Variants in FREM1 observed in about 807,000 individuals in gnomAD.
FREM1 encodes the protein FRAS1 related extracellular matrix 1, also known as FRAS1-related extracellular matrix protein 1.
FREM1 carries 220 observed loss-of-function variants against 210.1 expected under a neutral mutation model. The observed-to-expected ratio is 1.05, with a 90% confidence interval of 0.94 to 1.17. The LOEUF is 1.17. FREM1 is among the 50% of genes most tolerant of loss of function. The pLI is 0.00. For missense variants in FREM1, 3,454 were observed against 2,675.5 expected (o/e 1.29, Z -6.42); for synonymous variants, 1,189 against 980.2 (o/e 1.21, Z -3.98).
rs1482605373 is a variant in FREM1, at chr9:14,789,066, C to G, written c.4030G>C (p.Glu1344Gln). Residue 1344 changes from glutamate (E) to glutamine (Q), a missense_variant, in exon 23 of 37, where the codon GAG becomes CAG. By Grantham distance (29) the Glu-to-Gln change is conservative. Transcript: ENST00000380880. ...CTCAGCAAGTTCAGATCCACTTCCT[C>G]CTGAGTGCATTTCATGCCAGGGGAG... The part of the protein sequence containing the change: ...PLSPGMKCTQ[E>Q]EVDLNLLRYT... 4 of 1,607,284 alleles carry G rather than the reference C, an allele frequency of 2.5e-6. No homozygotes were observed. The highest frequency in any genetic ancestry group is 3.4e-6 in the Non-Finnish European group (4 of 1,176,750).
chr9:14,748,161 T>C (rs556528013), intron 31 of FREM1, among the ~76,000 whole-genome samples: 2 of 152,226 alleles, frequency 1.3e-5, no homozygotes, highest in African/African-American at 4.8e-5. Context: ...ACAAAAGGAA[T>C]CAAAGAAGAA....
At chr9:14,908,688 T>C (rs1286856148) in intron 1 of FREM1, among the ~76,000 whole-genome samples, 1 of 152,208 alleles carries the variant, frequency 6.6e-6, no homozygotes, top group East Asian at 1.9e-4. Context: ...ATATAAGGTT[T>C]AATATTAACC....
chr9:14,772,474 A>G (rs1343795474), intron 25 of FREM1, among the ~76,000 whole-genome samples: 3 of 152,228 alleles, frequency 2.0e-5, no homozygotes, highest in Non-Finnish European at 4.4e-5. Flanking sequence ...CATAAAAAAT[A>G]GTATATATAA....
At chr9:14,877,024 C>A (rs1012230241) in intron 1 of FREM1, among the ~76,000 whole-genome samples, 15 of 152,182 alleles carry the variant, frequency 9.9e-5, no homozygotes, top group Non-Finnish European at 1.6e-4. Flanking sequence ...AAGGACTCCA[C>A]ACTCCTGCAG....
chr9:14,767,212 C>T (rs370145783), intron 27 of FREM1, among the ~76,000 whole-genome samples: 31 of 152,040 alleles, frequency 2.0e-4, no homozygotes, highest in Admixed American at 1.3e-3. Context: ...GTGTTAGATA[C>T]GAAGTGCACA....
In FREM1 at chr9:14,775,923, T is replaced by A; in HGVS notation, c.4723A>T (p.Lys1575Ter). The A allele has an allele frequency of 6.2e-7, 1 of 1,613,994 alleles. No individual in the cohort carries two copies. Among genetic ancestry groups the A allele is most frequent in the South Asian group, 1.1e-5 (1 of 91,086 alleles). ...CCTGAGTGCCGATAGGCCACATTCTTGCTGTCCACATCCTGCTGGGTGAAA... is the reference window on the plus strand; with the variant it reads ...CCTGAGTGCCGATAGGCCACATTCTAGCTGTCCACATCCTGCTGGGTGAAA... ...HNFTQQDVDS[K>*]NVAYRHSGGD... The change falls in exon 25 of 37, where the codon AAG becomes TAG. Residue 1575 changes from lysine (K) to a stop codon, truncating the protein, a stop_gained. Coordinates refer to ENST00000380880, the MANE Select transcript of FREM1 (RefSeq NM_001379081.2). LOFTEE classifies it high-confidence loss of function.
intron 15 of FREM1, among the ~76,000 whole-genome samples, 165 bp downstream of exon 15, chr9:14,816,613 G>A (rs1820352968): frequency 6.6e-6 from 1 of 152,168 alleles, no homozygotes; most frequent in Non-Finnish European, 1.5e-5. Context: ...GATGCAGCAA[G>A]AAGGCCCTCA....
At chr9:14,854,409 A>G (rs1828340207) in intron 5 of FREM1, among the ~76,000 whole-genome samples, 1 of 152,182 alleles carries the variant, frequency 6.6e-6, no homozygotes, top group African/African-American at 2.4e-5. Context: ...TTAAAATTAC[A>G]TAGAAAGATT....
chr9:14,824,773 C>T, intron 11 of FREM1, 23 bp downstream of exon 11: 1 of 1,569,410 alleles, frequency 6.4e-7, no homozygotes, highest in Non-Finnish European at 8.7e-7. Flanking sequence ...AACTAGTAGC[C>T]CAAATGGTGA....
intron 19 of FREM1, among the ~76,000 whole-genome samples, chr9:14,802,764 T>C (rs1195356773): frequency 6.6e-6 from 1 of 152,210 alleles, no homozygotes; most frequent in South Asian, 2.1e-4. Context: ...ATCTGCAATG[T>C]TACTATGCTA....
At chr9:14,787,187 T>C (rs1223807822) in intron 23 of FREM1, among the ~76,000 whole-genome samples, 4 of 152,206 alleles carry the variant, frequency 2.6e-5, no homozygotes, top group Admixed American at 1.3e-4. Context: ...TCTAACTCTT[T>C]AGTATAGTCT....
At chr9:14,777,888 T>C (rs1848899020) in intron 24 of FREM1, among the ~76,000 whole-genome samples, 1 of 152,034 alleles carries the variant, frequency 6.6e-6, no homozygotes, top group African/African-American at 2.4e-5. Flanking sequence ...AAGAGATGAG[T>C]TTGGCTGAGT....
chr9:14,760,705 G>A (rs2132276553), intron 27 of FREM1, among the ~76,000 whole-genome samples: 3 of 152,234 alleles, frequency 2.0e-5, no homozygotes, highest in East Asian at 1.9e-4. Context: ...TAGCAGAGAT[G>A]AAATTCAAGC....
chr9:14,812,459 G>A (rs934552947), intron 16 of FREM1, among the ~76,000 whole-genome samples: 5 of 152,142 alleles, frequency 3.3e-5, no homozygotes, highest in Non-Finnish European at 5.9e-5. Context: ...ATTACCTTAG[G>A]AGCTTGCTTC....
chr9:14,797,357 T>C (rs1852618520), intron 21 of FREM1, 141 bp downstream of exon 21: 2 of 552,174 alleles, frequency 3.6e-6, no homozygotes, highest in East Asian at 3.0e-5. Context: ...AGGTTCCTCA[T>C]GCCTGAGTGG....
intron 7 of FREM1, among the ~76,000 whole-genome samples, chr9:14,846,406 T>C (rs1447466910): frequency 6.6e-6 from 1 of 152,128 alleles, no homozygotes; most frequent in Non-Finnish European, 1.5e-5. Flanking sequence ...AAATATCTAA[T>C]GCATGAGGGG....
chr9:14,903,891 G>T (rs1272425924), intron 1 of FREM1, among the ~76,000 whole-genome samples: 1 of 152,050 alleles, frequency 6.6e-6, no homozygotes, highest in Non-Finnish European at 1.5e-5. Flanking sequence ...GAAGGCCGAG[G>T]CGGGCGGATC....
rs1186928954 is a variant in FREM1, at chr9:14,746,567, A to T, written c.6139-99T>A. On this transcript the variant is annotated intron_variant, in intron 34 of 36. Coordinates refer to ENST00000380880, the MANE Select transcript of FREM1 (RefSeq NM_001379081.2). ...ACGAGTTCCCTAACTTCAGTCAAGT[A>T]GTTTGGTTACCACAAAGGGAGTCAG... The T allele has an allele frequency of 3.3e-6, 3 of 909,536 alleles. No individual in the cohort carries two copies. The African/African-American group carries it at 4.9e-5, about 15-fold the overall frequency. 56.3% of individuals were successfully genotyped at this position (909,536 alleles called of 1,614,324 possible). A position where few individuals can be genotyped will look rare whatever the true frequency, so the allele number is the denominator to read the frequency against.
chr9:14,791,529 C>A (rs1851313645), intron 22 of FREM1, among the ~76,000 whole-genome samples: 1 of 152,156 alleles, frequency 6.6e-6, no homozygotes, highest in Admixed American at 6.5e-5. Flanking sequence ...CCCACACTGC[C>A]TTTTTGGTCC....
Sources: allele counts gnomAD v4.1 joint callset (sites outside exome capture counted in the v4.1 genomes callset), GRCh38; gene constraint gnomAD v4.1.1; transcripts MANE v1.5; gene names NCBI Gene and HGNC (gene_info 2026-07-23, HGNC 2026-07-21).